The following COX5A variants were observed in gnomAD, a reference collection of about 807,000 sequenced individuals.
COX5A encodes the protein cytochrome c oxidase subunit 5A, mitochondrial.
A neutral mutation model predicts 16.1 loss-of-function variants in COX5A; 6 were observed. That is an observed-to-expected ratio of 0.37 (90% CI 0.20 to 0.73). The LOEUF is 0.73. Among genes scored for constraint, COX5A ranks in the 30% least tolerant of loss-of-function variants. COX5A has a pLI of 0.50. For synonymous variants in COX5A, 73 were observed against 73.8 expected, an observed-to-expected ratio of 0.99 and a Z score of 0.06; for missense variants, 159 against 194.9, an observed-to-expected ratio of 0.82 and a Z score of 1.10.
At chr15:74,930,921 G>A (rs1365278343) in intron 1 of COX5A, among the ~76,000 whole-genome samples, 1 of 145,394 alleles carries the variant, frequency 6.9e-6, no homozygotes, top group South Asian at 2.2e-4. Flanking sequence ...GGAGGCTGAG[G>A]CAGGAGAATG....
At chr15:74,921,267 G>C (rs2065318550) in intron 4 of COX5A, among the ~76,000 whole-genome samples, 1 of 151,754 alleles carries the variant, frequency 6.6e-6, no homozygotes, top group Non-Finnish European at 1.5e-5. Flanking sequence ...AATTAGCCGG[G>C]CATGGTGGCG....
intron 2 of COX5A, 38 bp downstream of exon 2, chr15:74,929,078 C>T (rs777229415): frequency 7.1e-7 from 1 of 1,415,384 alleles, no homozygotes; most frequent in East Asian, 2.3e-5. Context: ...TTCATATTTA[C>T]ACACCAAAAT....
intron 3 of COX5A, among the ~76,000 whole-genome samples, chr15:74,926,275 C>T (rs896881328): frequency 4.7e-5 from 7 of 150,534 alleles, no homozygotes; most frequent in Non-Finnish European, 7.4e-5. Flanking sequence ...CTCCTGACCT[C>T]GTGATCCGCC....
chr15:74,921,974 G>C (rs1319633117), intron 4 of COX5A, among the ~76,000 whole-genome samples: 1 of 152,116 alleles, frequency 6.6e-6, no homozygotes, highest in African/African-American at 2.4e-5. Flanking sequence ...GATCACTTGA[G>C]CCCAGGAGTT....
chr15:74,936,898 G>C (rs1045683100), intron 1 of COX5A, among the ~76,000 whole-genome samples: 4 of 151,902 alleles, frequency 2.6e-5, no homozygotes, highest in African/African-American at 9.7e-5. Flanking sequence ...CAAAGTGCTG[G>C]GATTACAGGC....
At chr15:74,922,260 C>T (rs2065324419) in intron 4 of COX5A, among the ~76,000 whole-genome samples, 1 of 151,816 alleles carries the variant, frequency 6.6e-6, no homozygotes, top group African/African-American at 2.4e-5. Context: ...TGGTGCATGC[C>T]TGTAATCTCA....
intron 1 of COX5A, among the ~76,000 whole-genome samples, chr15:74,929,817 C>T (rs565702726): frequency 9.2e-5 from 14 of 152,056 alleles, no homozygotes; most frequent in Admixed American, 3.3e-4. Flanking sequence ...CAGTGGCTCA[C>T]GCCTGTAATC....
intron 1 of COX5A, among the ~76,000 whole-genome samples, chr15:74,934,936 A>C (rs1268433261): frequency 6.6e-6 from 1 of 152,186 alleles, no homozygotes; most frequent in African/African-American, 2.4e-5. Context: ...TATTTCTAAC[A>C]CTGCTTTTTG....
chr15:74,925,608 G>C lies in COX5A; in HGVS notation c.339+1158C>G, dbSNP rs557773982. ...TCTCCATCTTGGTCAGGCTGGTCTCGAACTCTTGACCTCAGGTGATCCACC... is the reference window on the plus strand; with the variant it reads ...TCTCCATCTTGGTCAGGCTGGTCTCCAACTCTTGACCTCAGGTGATCCACC... On this transcript the variant is annotated intron_variant, in intron 3 of 4. Transcript: ENST00000322347. 1.4e-4 allele frequency among the ~76,000 whole-genome samples: 22 copies of C among 151,902 alleles called. No homozygotes were observed. The South Asian group carries it at 3.3e-3, about 23-fold the overall frequency.
intron 3 of COX5A, 34 bp from the exon 4 acceptor site, chr15:74,923,804 C>G: frequency 1.5e-6 from 2 of 1,308,586 alleles, no homozygotes; most frequent in Admixed American, 3.4e-5. Context: ...ATTTAACTCT[C>G]TCAAAAGCCA....
chr15:74,929,774 C>T (rs1205527632), intron 1 of COX5A, among the ~76,000 whole-genome samples: 2 of 152,076 alleles, frequency 1.3e-5, no homozygotes, highest in East Asian at 3.8e-4. Context: ...CACAGCGACA[C>T]CCCACTTCTA....
At chr15:74,930,471 CA>C (rs137868871) in intron 1 of COX5A, among the ~76,000 whole-genome samples, 6 of 137,528 alleles carry the variant, frequency 4.4e-5, no homozygotes, top group Non-Finnish European at 4.6e-5. Context: ...AAAAAAGCAA[CA>C]AAAAAAAAAA....
At chr15:74,936,337 T>TC (rs1566983381) in intron 1 of COX5A, among the ~76,000 whole-genome samples, 1 of 151,876 alleles carries the variant, frequency 6.6e-6, no homozygotes, top group Non-Finnish European at 1.5e-5. Context: ...GGAGTCAGTT[T>TC]CCCAAGATGG....
intron 1 of COX5A, among the ~76,000 whole-genome samples, chr15:74,934,492 G>A (rs12050585): frequency 0.23 from 34,795 of 151,886 alleles, 4,949 homozygotes; most frequent in East Asian, 0.65. Context: ...CACCACGCCC[G>A]GCTAATTTTT....
chr15:74,936,665 C>G (rs894356881), intron 1 of COX5A, among the ~76,000 whole-genome samples: 1 of 122,606 alleles, frequency 8.2e-6, no homozygotes, highest in African/African-American at 3.2e-5. Context: ...CTCGCTCTGT[C>G]GGCCAGGCTG....
chr15:74,922,657 G>A (rs929015629), intron 4 of COX5A, among the ~76,000 whole-genome samples: 2 of 147,034 alleles, frequency 1.4e-5, no homozygotes, highest in Non-Finnish European at 3.0e-5. Flanking sequence ...TGCCAGCCAA[G>A]TTGAGTCTTT....
At chr15:74,937,718 G>A (rs1299953906) in intron 1 of COX5A, 197 bp downstream of exon 1, 4 of 375,202 alleles carry the variant, frequency 1.1e-5, no homozygotes, top group East Asian at 7.6e-5. Flanking sequence ...AGGAAGTTGC[G>A]CGGGGGGAGG....
intron 4 of COX5A, among the ~76,000 whole-genome samples, chr15:74,921,684 C>T (rs796392552): frequency 6.6e-6 from 1 of 152,146 alleles, no homozygotes; most frequent in Non-Finnish European, 1.5e-5. Flanking sequence ...GAGCAGAGGT[C>T]GTGCCACTGT....
At chr15:74,932,661 T>C (rs1194293625) in intron 1 of COX5A, among the ~76,000 whole-genome samples, 1 of 151,864 alleles carries the variant, frequency 6.6e-6, no homozygotes, top group Non-Finnish European at 1.5e-5. Flanking sequence ...AAGTGGAACA[T>C]GTACATAAAT....
Sources: gnomAD v4.1 joint callset for allele counts (sites outside exome capture counted in the v4.1 genomes callset) on GRCh38, gnomAD v4.1.1 for gene constraint, MANE v1.5 for transcripts, NCBI Gene and HGNC (gene_info 2026-07-23, HGNC 2026-07-21) for gene names.